Variants in STARD13 observed in about 807,000 individuals in gnomAD.
STARD13 encodes StAR related lipid transfer domain containing 13.
A neutral mutation model predicts 106.4 loss-of-function variants in STARD13; 62 were observed. The ratio of observed to expected loss-of-function variants is 0.58; its 90% CI spans 0.48 to 0.72. STARD13 has a LOEUF of 0.72. Among genes scored for constraint, STARD13 ranks in the 30% least tolerant of loss-of-function variants. The pLI is 0.00. For missense variants in STARD13, 1,387 were observed against 1,424.0 expected (o/e 0.97, Z 0.42); for synonymous variants, 565 against 553.0 (o/e 1.02, Z -0.31).
At chr13:33,323,901 C>A (rs2138537107) in intron 1 of STARD13, among the ~76,000 whole-genome samples, 1 of 152,254 alleles carries the variant, frequency 6.6e-6, no homozygotes, top group African/African-American at 2.4e-5. Flanking sequence ...AAACACGAAA[C>A]ACACCGTCAG....
chr13:33,499,604 T>TTCTTCTTTC, the STARD13 span, among the ~76,000 whole-genome samples: 16 of 39,834 alleles, frequency 4.0e-4, 1 homozygote, highest in South Asian at 1.1e-3. Flanking sequence ...CTTCTTCTTC[T>TTCTTCTTTC]TTCTTCTTCT....
rs59609576 is a variant in STARD13, at chr13:33,209,459, C to CTT, written c.170-41839_170-41838dup. Among the ~76,000 whole-genome samples, 675 of 149,006 alleles carry CTT rather than the reference C, an allele frequency of 4.5e-3. 5 individuals carry two copies. Among genetic ancestry groups the CTT allele is most frequent in the African/African-American group, 0.014 (579 of 40,510 alleles). The stretch of plus-strand genomic sequence containing the variant: ...GTCTGAATCTTCTCTCTCTCTCTCT[C>CTT]TTTTTTTTTTCCAAATTCCAGGGCC... On this transcript the variant is annotated intron_variant, in intron 1 of 13. Coordinates refer to ENST00000336934, the MANE Select transcript of STARD13 (RefSeq NM_178006.4).
At chr13:33,463,103 G>A in the STARD13 span, among the ~76,000 whole-genome samples, 8 of 152,180 alleles carry the variant, frequency 5.3e-5, no homozygotes, top group African/African-American at 1.7e-4. Flanking sequence ...GTGATGCAGG[G>A]TAGGCAAGCC....
the STARD13 span, among the ~76,000 whole-genome samples, chr13:33,655,301 C>G: frequency 6.6e-6 from 1 of 152,164 alleles, no homozygotes; most frequent in Non-Finnish European, 1.5e-5. Flanking sequence ...AGAGCTGAGA[C>G]AATGAATAGT....
the STARD13 span, among the ~76,000 whole-genome samples, chr13:33,356,127 C>T: frequency 2.0e-5 from 3 of 152,236 alleles, no homozygotes; most frequent in Non-Finnish European, 4.4e-5. Context: ...ATATGGGAGA[C>T]GTTGGGTAAG....
At chr13:33,538,809 A>G in the STARD13 span, among the ~76,000 whole-genome samples, 1 of 150,390 alleles carries the variant, frequency 6.6e-6, no homozygotes, top group Admixed American at 6.6e-5. Flanking sequence ...TGGCTCTGTG[A>G]CCCAGGCTGG....
intron 1 of STARD13, among the ~76,000 whole-genome samples, chr13:33,248,258 G>T (rs1337234712): frequency 1.3e-5 from 2 of 152,032 alleles, no homozygotes; most frequent in Non-Finnish European, 2.9e-5. Flanking sequence ...AATTAGCTGG[G>T]TGTGGTGGCA....
intron 4 of STARD13, chr13:33,138,506 G>C (rs1041214705): frequency 6.5e-6 from 1 of 152,890 alleles, no homozygotes; most frequent in African/African-American, 2.4e-5. Flanking sequence ...CATAAAGAAG[G>C]GCTTTTTTCA....
intron 8 of STARD13, 183 bp downstream of exon 8, chr13:33,117,882 A>AT: frequency 1.0e-6 from 1 of 985,402 alleles, no homozygotes; most frequent in Non-Finnish European, 1.2e-6. Flanking sequence ...GCATAAAAAA[A>AT]TGGCTTGTGG....
chr13:33,233,731 C>A (rs541544625), intron 1 of STARD13, among the ~76,000 whole-genome samples: 95 of 149,126 alleles, frequency 6.4e-4, no homozygotes, highest in African/African-American at 2.3e-3. Flanking sequence ...CTGCAGATGG[C>A]AGAACTAAAG....
At chr13:33,582,179 G>A in the STARD13 span, among the ~76,000 whole-genome samples, 1 of 150,042 alleles carries the variant, frequency 6.7e-6, no homozygotes. Flanking sequence ...CCGAGATCAC[G>A]TCACTGCACT....
chr13:33,482,676 A>G, the STARD13 span, among the ~76,000 whole-genome samples: 3 of 152,230 alleles, frequency 2.0e-5, no homozygotes, highest in Admixed American at 6.5e-5. Flanking sequence ...TAAAAGCACA[A>G]TTTTTAAAAA....
chr13:33,504,257 A>G, the STARD13 span, among the ~76,000 whole-genome samples: 1 of 152,162 alleles, frequency 6.6e-6, no homozygotes, highest in African/African-American at 2.4e-5. Flanking sequence ...ATTACCAGGT[A>G]TATACCCAAA....
chr13:33,518,731 A>G, the STARD13 span, among the ~76,000 whole-genome samples: 2 of 152,086 alleles, frequency 1.3e-5, no homozygotes, highest in African/African-American at 4.8e-5. Context: ...GTAATCACTA[A>G]AGAACCTGAA....
At chr13:33,406,173 C>A in the STARD13 span, among the ~76,000 whole-genome samples, 23 of 152,238 alleles carry the variant, frequency 1.5e-4, no homozygotes, top group East Asian at 4.2e-3. Flanking sequence ...ATATTGTTAC[C>A]AAACAGATTT....
chr13:33,105,695 T>C lies in STARD13; in HGVS notation c.3240A>G (p.Glu1080=). ...CRIDLKGHSP[E]WYSKGFGHLC... is the part of the protein sequence containing the mutation. ...GATGTCCAAAGCCTTTGCTGTACCATTCTGGGGAGTGACCTCTGTGGGGAA... is the reference window on the plus strand; with the variant it reads ...GATGTCCAAAGCCTTTGCTGTACCACTCTGGGGAGTGACCTCTGTGGGGAA... Residue 1080 remains glutamate, a synonymous_variant, in exon 14 of 14, where the codon GAA becomes GAG. Transcript: ENST00000336934. The C allele has an allele frequency of 6.2e-7, 1 of 1,613,964 alleles. No homozygotes were observed. Among genetic ancestry groups the C allele is most frequent in the Non-Finnish European group, 8.5e-7 (1 of 1,179,792 alleles).
intron 1 of STARD13, among the ~76,000 whole-genome samples, chr13:33,294,416 T>C (rs991348227): frequency 3.3e-5 from 5 of 152,212 alleles, no homozygotes; most frequent in African/African-American, 1.2e-4. Context: ...ACTAACTGTG[T>C]CTATGACCTT....
At chr13:33,645,155 T>C in the STARD13 span, among the ~76,000 whole-genome samples, 10,700 of 152,164 alleles carry the variant, frequency 0.07, 849 homozygotes, top group Admixed American at 0.19. Context: ...ACTGATAAGA[T>C]GTGGCAGAAG....
At chr13:33,618,370 GA>G in the STARD13 span, among the ~76,000 whole-genome samples, 1 of 152,176 alleles carries the variant, frequency 6.6e-6, no homozygotes, top group Non-Finnish European at 1.5e-5. Flanking sequence ...TAGTGGGAGT[GA>G]AACACAAAAG....
Sources: allele counts gnomAD v4.1 joint callset (sites outside exome capture counted in the v4.1 genomes callset), GRCh38; gene constraint gnomAD v4.1.1; transcripts MANE v1.5; gene names NCBI Gene and HGNC (gene_info 2026-07-23, HGNC 2026-07-21).